Variants in CSMD1 observed in about 807,000 individuals in gnomAD.
The protein encoded by CSMD1 is CUB and sushi domain-containing protein 1.
CSMD1 carries 213 observed loss-of-function variants against 417.5 expected under a neutral mutation model. The ratio of observed to expected loss-of-function variants is 0.51; its 90% CI spans 0.46 to 0.57. The LOEUF (loss-of-function observed/expected upper bound fraction) is 0.57, where lower values mean the gene tolerates loss of function less well. CSMD1 is among the 20% of genes least tolerant of loss of function. The pLI is 0.00. For missense variants in CSMD1, 6,923 were observed against 4,529.7 expected (o/e 1.53, Z -15.17); for synonymous variants, 2,862 against 1,736.8 (o/e 1.65, Z -16.11).
intron 2 of CSMD1, among the ~76,000 whole-genome samples, chr8:4,446,200 G>T (rs532724133): frequency 3.1e-4 from 47 of 152,292 alleles, no homozygotes; most frequent in Non-Finnish European, 5.9e-4. Context: ...AAGACATTTT[G>T]TTTTTTCCAC....
At chr8:3,450,904 T>C (rs1313851729) in intron 12 of CSMD1, among the ~76,000 whole-genome samples, 8 of 151,946 alleles carry the variant, frequency 5.3e-5, no homozygotes, top group Non-Finnish European at 8.8e-5. Flanking sequence ...ACTTCCACAA[T>C]GGTTGAACTA....
intron 3 of CSMD1, among the ~76,000 whole-genome samples, chr8:4,043,376 T>C (rs1585193746): frequency 1.3e-5 from 2 of 152,220 alleles, no homozygotes. Context: ...TAAAATTAAA[T>C]ACAGCCACAC....
chr8:4,715,210 ATGTC>A (rs1424759192), intron 1 of CSMD1, among the ~76,000 whole-genome samples: 2 of 152,218 alleles, frequency 1.3e-5, no homozygotes, highest in Admixed American at 6.5e-5. Context: ...AATATGAAGA[ATGTC>A]TGAGTGTTTT....
intron 5 of CSMD1, among the ~76,000 whole-genome samples, chr8:3,936,331 C>G (rs186534539): frequency 1.6e-4 from 24 of 152,198 alleles, no homozygotes; most frequent in East Asian, 1.9e-4. Context: ...TGAGTGTAAA[C>G]AAAGCAGCCT....
At chr8:4,121,482 T>G (rs1483782716) in intron 3 of CSMD1, among the ~76,000 whole-genome samples, 1 of 152,198 alleles carries the variant, frequency 6.6e-6, no homozygotes, top group African/African-American at 2.4e-5. Context: ...TCTAGTTACT[T>G]TCCTATTTCT....
chr8:4,161,340 C>A (rs531012786), intron 3 of CSMD1, among the ~76,000 whole-genome samples: 1 of 152,170 alleles, frequency 6.6e-6, no homozygotes, highest in Non-Finnish European at 1.5e-5. Context: ...GCTAAAATCC[C>A]GGTCTCTTTG....
At chr8:3,737,676 C>G (rs1208689741) in intron 6 of CSMD1, among the ~76,000 whole-genome samples, 1 of 152,104 alleles carries the variant, frequency 6.6e-6, no homozygotes, top group Non-Finnish European at 1.5e-5. Flanking sequence ...CCAGGAAAAT[C>G]AATTACAATT....
chr8:3,643,821 G>A (rs2449198), intron 7 of CSMD1, among the ~76,000 whole-genome samples: 9,283 of 152,002 alleles, frequency 0.061, 704 homozygotes, highest in African/African-American at 0.18. Context: ...AAACCACAGG[G>A]TTAAGTTAAT....
chr8:3,906,092 A>T (rs932743070), intron 5 of CSMD1, among the ~76,000 whole-genome samples: 3 of 152,146 alleles, frequency 2.0e-5, no homozygotes, highest in Non-Finnish European at 4.4e-5. Flanking sequence ...TTTCCTTCCC[A>T]TGATGCTAAC....
chr8:3,856,206 G>A (rs146817705), intron 5 of CSMD1, among the ~76,000 whole-genome samples: 1 of 151,912 alleles, frequency 6.6e-6, no homozygotes, highest in African/African-American at 2.4e-5. Context: ...TCTCATGATA[G>A]AGTTCTCATA....
intron 10 of CSMD1, among the ~76,000 whole-genome samples, chr8:3,552,850 G>C (rs575363410): frequency 6.0e-4 from 91 of 152,090 alleles, no homozygotes; most frequent in Middle Eastern, 3.4e-3. Context: ...TTTAAATTAA[G>C]TTATAAAAGA....
intron 5 of CSMD1, among the ~76,000 whole-genome samples, chr8:3,913,566 T>A (rs1017288981): frequency 2.6e-5 from 4 of 152,126 alleles, no homozygotes; most frequent in Non-Finnish European, 4.4e-5. Context: ...CAACAAAGAA[T>A]ACGGTCAGTG....
chr8:3,781,203 T>A (rs910385379), intron 5 of CSMD1, among the ~76,000 whole-genome samples: 13 of 152,198 alleles, frequency 8.5e-5, no homozygotes, highest in African/African-American at 3.1e-4. Context: ...AAGTGATAAT[T>A]GGAGCAAAAT....
In CSMD1 at chr8:3,826,764, T is replaced by C. The variant is rs573037187; in HGVS notation, c.819-72722A>G. 2.3e-4 allele frequency among the ~76,000 whole-genome samples: 35 copies of C among 152,094 alleles called. No homozygotes were observed. In the South Asian group the frequency reaches 5.0e-3, roughly 22 times the overall value. The stretch of plus-strand genomic sequence containing the variant: ...CCCTAGGAGGACTCACTTATAAGCA[T>C]TGAACATATTTTTATTTATTTTTAA... On this transcript the variant is annotated intron_variant, in intron 5 of 69. Transcript: ENST00000635120.
intron 2 of CSMD1, among the ~76,000 whole-genome samples, chr8:4,420,349 G>A (rs1474826710): frequency 1.3e-5 from 2 of 151,772 alleles, no homozygotes; most frequent in Non-Finnish European, 2.9e-5. Flanking sequence ...TTTTTGGATG[G>A]CAATTATCTA....
chr8:3,796,566 T>C (rs1357946833), intron 5 of CSMD1, among the ~76,000 whole-genome samples: 1 of 145,990 alleles, frequency 6.8e-6, no homozygotes, highest in African/African-American at 2.5e-5. Context: ...TAGATATATA[T>C]CTATATCTAA....
intron 5 of CSMD1, among the ~76,000 whole-genome samples, chr8:3,783,974 C>G (rs994578241): frequency 1.1e-4 from 17 of 152,214 alleles, no homozygotes; most frequent in Non-Finnish European, 5.9e-5. Flanking sequence ...GGGCAAATTA[C>G]TTCCTCTTCT....
At chr8:4,009,966 T>C (rs1296655348) in intron 4 of CSMD1, among the ~76,000 whole-genome samples, 1 of 152,166 alleles carries the variant, frequency 6.6e-6, no homozygotes, top group African/African-American at 2.4e-5. Flanking sequence ...CTCTAAAAGA[T>C]CTACACATCT....
In CSMD1 at chr8:4,250,847, C is replaced by A. The variant is rs73498588; in HGVS notation, c.415+169106G>T. Among the ~76,000 whole-genome samples the A allele has an allele frequency of 1.8e-3, 271 of 152,250 alleles. 3 individuals are homozygous for A. Among genetic ancestry groups the A allele is most frequent in the African/African-American group, 6.1e-3 (255 of 41,560 alleles). On this transcript the variant is annotated intron_variant, in intron 3 of 69. Coordinates refer to ENST00000635120, the MANE Select transcript of CSMD1 (RefSeq NM_033225.6). ...AAATGTTTTTTAGAATATGTCAACA[C>A]CTTGTCACTATTTACAGGGTATTCC...
Sources: allele counts gnomAD v4.1 joint callset (sites outside exome capture counted in the v4.1 genomes callset), GRCh38; gene constraint gnomAD v4.1.1; transcripts MANE v1.5; gene names NCBI Gene and HGNC (gene_info 2026-07-23, HGNC 2026-07-21).